The following ANKRD36 variants were observed in gnomAD, a reference collection of about 807,000 sequenced individuals.
The protein encoded by ANKRD36 is ankyrin repeat domain-containing protein 36A.
ANKRD36 carries 179 observed loss-of-function variants against 278.1 expected under a neutral mutation model. That is an observed-to-expected ratio of 0.64 (90% CI 0.57 to 0.73). The LOEUF is 0.73. ANKRD36 is among the 30% of genes least tolerant of loss of function. The pLI is 0.00. For synonymous variants in ANKRD36, 320 were observed against 641.1 expected (o/e 0.50, Z 7.57); for missense variants, 1,159 against 1,956.7 (o/e 0.59, Z 7.69).
At chr2:97,256,453 G>C (rs1272276372) in intron 75 of ANKRD36, among the ~76,000 whole-genome samples, 2 of 150,232 alleles carry the variant, frequency 1.3e-5, no homozygotes, top group African/African-American at 4.9e-5. Context: ...TTGTATGTTT[G>C]TGGAAATGTT....
intron 20 of ANKRD36, among the ~76,000 whole-genome samples, chr2:97,166,087 A>G (rs1433488396): frequency 6.6e-6 from 1 of 151,302 alleles, no homozygotes; most frequent in African/African-American, 2.4e-5. Context: ...TAATGGTGTA[A>G]TGTGTATTTA....
At chr2:97,130,480 A>G (rs1025916519) in intron 6 of ANKRD36, among the ~76,000 whole-genome samples, 2 of 151,314 alleles carry the variant, frequency 1.3e-5, no homozygotes, top group African/African-American at 4.9e-5. Context: ...TAACATTAGG[A>G]GATCTACCTA....
At chr2:97,118,697 T>TA (rs892192713) in intron 3 of ANKRD36, 180 bp downstream of exon 3, 1 of 455,594 alleles carries the variant, frequency 2.2e-6, no homozygotes, top group Non-Finnish European at 3.6e-6. Context: ...AGAAGCATTA[T>TA]AGGGAACAGC....
At chr2:97,183,526 T>A in intron 27 of ANKRD36, 39 bp downstream of exon 27, 1 of 1,552,258 alleles carries the variant, frequency 6.4e-7, no homozygotes, top group Admixed American at 1.9e-5. Context: ...TTATTTATTT[T>A]ATAGCCTATG....
intron 60 of ANKRD36, among the ~76,000 whole-genome samples, chr2:97,214,498 A>G (rs1168036003): frequency 6.7e-6 from 1 of 150,250 alleles, no homozygotes; most frequent in Non-Finnish European, 1.5e-5. Context: ...GACTCCTAAA[A>G]TGGTAATTTT....
chr2:97,188,535 G>A (rs1438357155), intron 32 of ANKRD36, among the ~76,000 whole-genome samples: 1 of 148,282 alleles, frequency 6.7e-6, no homozygotes, highest in African/African-American at 2.4e-5. Context: ...TTATCTACTA[G>A]GTATCAGCAA....
chr2:97,124,653 T>C, intron 5 of ANKRD36, 56 bp downstream of exon 5: 2 of 1,508,430 alleles, frequency 1.3e-6, no homozygotes, highest in African/African-American at 1.4e-5. Context: ...AAAATAATTG[T>C]AACAATTGCA....
chr2:97,226,406 G>A (rs2069647811), intron 67 of ANKRD36, among the ~76,000 whole-genome samples: 1 of 151,110 alleles, frequency 6.6e-6, no homozygotes, highest in African/African-American at 2.4e-5. Context: ...TGTGTTTTTT[G>A]GCTGCATAAA....
chr2:97,201,545 T>G (rs1436295967), intron 46 of ANKRD36, among the ~76,000 whole-genome samples: 1 of 151,922 alleles, frequency 6.6e-6, no homozygotes, highest in Non-Finnish European at 1.5e-5. Flanking sequence ...TTTGGTGCCA[T>G]GAGTGGATGA....
chr2:97,120,399 T>C (rs1177562014), intron 3 of ANKRD36, among the ~76,000 whole-genome samples: 2 of 129,600 alleles, frequency 1.5e-5, no homozygotes, highest in South Asian at 2.3e-4. Flanking sequence ...AAAGAATACA[T>C]ATAGGTCATT....
At chr2:97,229,740 C>T (rs1212974932) in intron 67 of ANKRD36, among the ~76,000 whole-genome samples, 3 of 151,940 alleles carry the variant, frequency 2.0e-5, no homozygotes, top group African/African-American at 7.2e-5. Context: ...TCTCGATGGT[C>T]TTTATATTTT....
intron 58 of ANKRD36, among the ~76,000 whole-genome samples, chr2:97,212,341 C>A (rs145454475): frequency 2.2e-3 from 341 of 151,974 alleles, no homozygotes; most frequent in African/African-American, 7.5e-3. Flanking sequence ...CCAGGAACTA[C>A]TAGAAGCAGG....
rs1478788352 is a variant in ANKRD36 at position 97,207,801 on chromosome 2, T to C, written c.3164-10T>C. 4.5e-6 allele frequency: 7 copies of C among 1,545,950 alleles called. No homozygotes were observed. Among genetic ancestry groups the C allele is most frequent in the Non-Finnish European group, 5.2e-6 (6 of 1,144,202 alleles). On this transcript the variant is annotated splice_polypyrimidine_tract_variant and intron_variant, in intron 52 of 75. Transcript: ENST00000420699. Reference sequence around the variant, plus strand: ...CACATGAGTGATTATGAATCCCTTTTACTTTTCAGTGTCTTCTGAGAAACC... The same window carrying C: ...CACATGAGTGATTATGAATCCCTTTCACTTTTCAGTGTCTTCTGAGAAACC...
intron 44 of ANKRD36, among the ~76,000 whole-genome samples, chr2:97,199,551 C>G (rs2060721202): frequency 6.6e-6 from 1 of 151,900 alleles, no homozygotes; most frequent in Non-Finnish European, 1.5e-5. Flanking sequence ...ATGAATATTG[C>G]AGTGATTTCT....
intron 36 of ANKRD36, among the ~76,000 whole-genome samples, chr2:97,192,207 G>C (rs981566312): frequency 2.0e-5 from 3 of 151,356 alleles, no homozygotes; most frequent in African/African-American, 7.3e-5. Context: ...GCCATGAGTG[G>C]ATGAAGAAAC....
At chr2:97,115,411 TAAAA>T (rs1192512407) in intron 1 of ANKRD36, among the ~76,000 whole-genome samples, 3 of 151,890 alleles carry the variant, frequency 2.0e-5, no homozygotes, top group Non-Finnish European at 4.4e-5. Context: ...TTTAGCAAAA[TAAAA>T]AAAATCCAGT....
chr2:97,184,904 A>G (rs2057064596), intron 28 of ANKRD36, among the ~76,000 whole-genome samples: 1 of 151,752 alleles, frequency 6.6e-6, no homozygotes, highest in Non-Finnish European at 1.5e-5. Flanking sequence ...AGCATGATGA[A>G]TGTTTGTAGT....
chr2:97,124,415 T>A, intron 4 of ANKRD36, 45 bp from the exon 5 acceptor site: 1 of 1,531,356 alleles, frequency 6.5e-7, no homozygotes, highest in Non-Finnish European at 8.8e-7. Flanking sequence ...AAACTTAGCT[T>A]TTAAAATGTC....
chr2:97,113,803 G>C lies in ANKRD36; in HGVS notation c.64G>C (p.Ala22Pro). Residue 22 changes from alanine (A) to proline (P), a missense_variant, in exon 1 of 76, where the codon GCA becomes CCA. Coordinates refer to ENST00000420699, the MANE Select transcript of ANKRD36 (RefSeq NM_001354587.1). ...LMERLCSDGFAFPQYPIKPYH... is the reference protein window; with the variant it reads ...LMERLCSDGFPFPQYPIKPYH... ...GGAGCGCTTGTGCTCGGATGGCTTC[G>C]CATTTCCCCAATACCCCATTAAACC... The C allele has an allele frequency of 6.2e-7, 1 of 1,612,938 alleles. No individual in the cohort carries two copies.
Sources: allele counts gnomAD v4.1 joint callset (sites outside exome capture counted in the v4.1 genomes callset), GRCh38; gene constraint gnomAD v4.1.1; transcripts MANE v1.5; gene names NCBI Gene and HGNC (gene_info 2026-07-23, HGNC 2026-07-21).